RGS6: variants seen among roughly 807,000 people sequenced by gnomAD.
RGS6 encodes the protein regulator of G protein signaling 6, also known as regulator of G-protein signaling 6.
RGS6 carries 30 observed loss-of-function variants against 78.5 expected under a neutral mutation model. That is an observed-to-expected ratio of 0.38 (90% CI 0.29 to 0.52). The LOEUF is 0.52. Among genes scored for constraint, RGS6 ranks in the 20% least tolerant of loss-of-function variants. The pLI, the probability that RGS6 is intolerant of heterozygous loss-of-function variation, is 0.85. For synonymous variants in RGS6, 206 were observed against 206.0 expected (o/e 1.00, Z 0.00); for missense variants, 495 against 609.7 (o/e 0.81, Z 1.98).
intron 2 of RGS6, among the ~76,000 whole-genome samples, chr14:72,055,025 C>G (rs939149384): frequency 6.6e-6 from 1 of 152,162 alleles, no homozygotes; most frequent in Non-Finnish European, 1.5e-5. Context: ...TTTATCAATA[C>G]TCATGTCATT....
intron 2 of RGS6, among the ~76,000 whole-genome samples, chr14:72,319,358 T>A (rs2152503370): frequency 6.6e-6 from 1 of 151,842 alleles, no homozygotes; most frequent in South Asian, 2.1e-4. Flanking sequence ...AAATTTTTTT[T>A]TTTTTTTTTG....
chr14:72,505,241 G>A (rs1429188624), intron 13 of RGS6, among the ~76,000 whole-genome samples: 1 of 152,162 alleles, frequency 6.6e-6, no homozygotes, highest in African/African-American at 2.4e-5. Flanking sequence ...ACTATAGACT[G>A]TGTGGCTTAT....
chr14:72,030,854 C>T (rs1596332399), intron 2 of RGS6, among the ~76,000 whole-genome samples: 1 of 152,160 alleles, frequency 6.6e-6, no homozygotes, highest in Non-Finnish European at 1.5e-5. Flanking sequence ...TAGCTTAAAA[C>T]AGGTCAATGA....
At chr14:72,240,023 A>C (rs190901589) in intron 2 of RGS6, among the ~76,000 whole-genome samples, 3 of 151,266 alleles carry the variant, frequency 2.0e-5, no homozygotes, top group East Asian at 3.9e-4. Flanking sequence ...TCCTAACATG[A>C]ATCTACACAC....
intron 1 of RGS6, among the ~76,000 whole-genome samples, chr14:71,938,535 A>G (rs897647268): frequency 1.1e-4 from 16 of 152,052 alleles, no homozygotes; most frequent in Non-Finnish European, 1.5e-4. Flanking sequence ...TCCTCTGTCA[A>G]CTGATGATAG....
intron 2 of RGS6, among the ~76,000 whole-genome samples, chr14:72,153,292 C>T (rs555063354): frequency 2.7e-4 from 41 of 152,268 alleles, no homozygotes; most frequent in African/African-American, 8.2e-4. Flanking sequence ...CTGACAGCCT[C>T]GCATTATCTG....
At chr14:72,240,682 T>C (rs576651355) in intron 2 of RGS6, among the ~76,000 whole-genome samples, 7 of 152,282 alleles carry the variant, frequency 4.6e-5, no homozygotes, top group South Asian at 2.1e-4. Flanking sequence ...TAAGAAGAGT[T>C]TGGGGTTTTT....
At chr14:72,027,373 A>G (rs934102989) in intron 2 of RGS6, among the ~76,000 whole-genome samples, 1 of 152,210 alleles carries the variant, frequency 6.6e-6, no homozygotes, top group African/African-American at 2.4e-5. Context: ...AAATGCACAT[A>G]CATGCATATA....
At chr14:72,574,836 C>T in the RGS6 span, among the ~76,000 whole-genome samples, 1 of 152,020 alleles carries the variant, frequency 6.6e-6, no homozygotes, top group Admixed American at 6.6e-5. Context: ...CTGGAGTGGG[C>T]ACAGAGACTG....
intron 15 of RGS6, among the ~76,000 whole-genome samples, chr14:72,535,577 A>G (rs2097239039): frequency 6.6e-6 from 1 of 152,134 alleles, no homozygotes; most frequent in Admixed American, 6.5e-5. Context: ...TGCCCCATGT[A>G]TGTATGTGTG....
chr14:72,319,451 G>A (rs1403743268), intron 2 of RGS6, among the ~76,000 whole-genome samples: 1 of 151,524 alleles, frequency 6.6e-6, no homozygotes, highest in African/African-American at 2.4e-5. Flanking sequence ...CCGGGTTCAC[G>A]CCATTCTCCT....
the RGS6 span, among the ~76,000 whole-genome samples, chr14:72,615,234 G>A: frequency 2.0e-5 from 3 of 152,076 alleles, no homozygotes; most frequent in African/African-American, 7.2e-5. Flanking sequence ...GGCCACGGGC[G>A]GCGCAACACC....
At chr14:72,612,764 T>A in the RGS6 span, 1 of 366,604 alleles carries the variant, frequency 2.7e-6, no homozygotes, top group African/African-American at 2.1e-5. Flanking sequence ...ATATCTTTCA[T>A]GAAAAGAAGC....
At chr14:72,482,282 C>T (rs552395418) in intron 12 of RGS6, among the ~76,000 whole-genome samples, 2 of 152,180 alleles carry the variant, frequency 1.3e-5, no homozygotes, top group Non-Finnish European at 2.9e-5. Context: ...GCCCTGCTTC[C>T]CCTTCCCTAA....
At chr14:72,232,529 A>C (rs2049907972) in intron 2 of RGS6, among the ~76,000 whole-genome samples, 1 of 152,192 alleles carries the variant, frequency 6.6e-6, no homozygotes, top group Admixed American at 6.5e-5. Flanking sequence ...GACATAGTTT[A>C]TGTAAGAATG....
At chr14:72,205,948 A>C (rs1360753901) in intron 2 of RGS6, among the ~76,000 whole-genome samples, 1 of 152,196 alleles carries the variant, frequency 6.6e-6, no homozygotes, top group Non-Finnish European at 1.5e-5. Flanking sequence ...TAGGCAAGCA[A>C]TTTTGTACTA....
intron 3 of RGS6, among the ~76,000 whole-genome samples, chr14:72,378,731 G>T (rs1380943722): frequency 6.6e-6 from 1 of 152,038 alleles, no homozygotes; most frequent in Non-Finnish European, 1.5e-5. Flanking sequence ...CCCAGAATTG[G>T]ATGGCTTCAC....
At chr14:72,544,777 C>G (rs889371613) in intron 17 of RGS6, among the ~76,000 whole-genome samples, 2 of 152,236 alleles carry the variant, frequency 1.3e-5, no homozygotes, top group Non-Finnish European at 2.9e-5. Context: ...GTTCCTTCCC[C>G]TGCCAAAAGC....
chr14:72,600,084 T>TC, the RGS6 span, among the ~76,000 whole-genome samples: 1 of 151,660 alleles, frequency 6.6e-6, no homozygotes, highest in Non-Finnish European at 1.5e-5. Context: ...TCCCTGTCCT[T>TC]CCCCCCTCCC....
Sources: gnomAD v4.1 joint callset for allele counts (sites outside exome capture counted in the v4.1 genomes callset) on GRCh38, gnomAD v4.1.1 for gene constraint, MANE v1.5 for transcripts, NCBI Gene and HGNC (gene_info 2026-07-23, HGNC 2026-07-21) for gene names.